The following LIMA1 variants were observed in gnomAD, a reference collection of about 807,000 sequenced individuals.
LIMA1 encodes LIM domain and actin-binding protein 1.
Under a neutral mutation model 62.6 loss-of-function variants are expected in LIMA1, and 52 were observed. The ratio of observed to expected loss-of-function variants is 0.83; its 90% CI spans 0.67 to 1.05. The LOEUF (loss-of-function observed/expected upper bound fraction) is 1.05, where lower values mean the gene tolerates loss of function less well. Ranked by LOEUF, LIMA1 falls within the 50% of genes least tolerant of loss-of-function variation. The pLI, the probability that LIMA1 is intolerant of heterozygous loss-of-function variation, is 0.00. For missense variants in LIMA1, 780 were observed against 902.2 expected (o/e 0.86, Z 1.74); for synonymous variants, 302 against 317.8 (o/e 0.95, Z 0.53).
intron 1 of LIMA1, among the ~76,000 whole-genome samples, chr12:50,281,394 T>C (rs970171533): frequency 2.0e-5 from 3 of 152,314 alleles, no homozygotes; most frequent in African/African-American, 7.2e-5. Context: ...GTATCCCCTG[T>C]CACCAAGATG....
chr12:50,182,270 G>A, intron 9 of LIMA1: 1 of 359,344 alleles, frequency 2.8e-6, no homozygotes, highest in Non-Finnish European at 5.3e-6. Context: ...CCAAGGATAG[G>A]TGGAGCTACG....
chr12:50,263,501 C>T (rs890122620), intron 1 of LIMA1, among the ~76,000 whole-genome samples: 1 of 151,972 alleles, frequency 6.6e-6, no homozygotes, highest in African/African-American at 2.4e-5. Flanking sequence ...AGAATGCAAT[C>T]GAAAATGTCA....
Position 50,214,987 on chromosome 12 carries a change from G to T in LIMA1, c.630+7034C>A, listed in dbSNP as rs184379699. Among the ~76,000 whole-genome samples, 269 of 152,276 alleles carry T rather than the reference G, an allele frequency of 1.8e-3. 2 individuals carry two copies. Among genetic ancestry groups the T allele is most frequent in the Non-Finnish European group, 1.9e-3 (126 of 68,018 alleles). ...AGATAAGATGTTATGAATAATTTCTGCAACAATCTGGGCATTCCCTATGGA... is the reference window on the plus strand; with the variant it reads ...AGATAAGATGTTATGAATAATTTCTTCAACAATCTGGGCATTCCCTATGGA... On this transcript the variant is annotated intron_variant, in intron 4 of 10. Transcript: ENST00000341247.
At chr12:50,229,064 A>G (rs1019056016) in intron 3 of LIMA1, among the ~76,000 whole-genome samples, 3 of 152,154 alleles carry the variant, frequency 2.0e-5, no homozygotes, top group Non-Finnish European at 2.9e-5. Context: ...TACATTCAAC[A>G]TACATCCTGA....
At chr12:50,279,096 C>T (rs961448206) in intron 1 of LIMA1, among the ~76,000 whole-genome samples, 2 of 151,060 alleles carry the variant, frequency 1.3e-5, no homozygotes, top group South Asian at 2.1e-4. Context: ...ACCTCTGCCT[C>T]CTGGGTTCAA....
At chr12:50,240,718 G>A (rs1215273124) in intron 2 of LIMA1, among the ~76,000 whole-genome samples, 1 of 152,166 alleles carries the variant, frequency 6.6e-6, no homozygotes, top group Non-Finnish European at 1.5e-5. Flanking sequence ...TGAGATGCAT[G>A]TGTCCGGAGC....
chr12:50,224,963 C>T (rs1256284609), intron 3 of LIMA1, among the ~76,000 whole-genome samples: 2 of 140,854 alleles, frequency 1.4e-5, no homozygotes, highest in Non-Finnish European at 3.0e-5. Flanking sequence ...AGTGCAATGG[C>T]GTGATCTCGG....
chr12:50,178,969 T>A (rs868824050), intron 10 of LIMA1, among the ~76,000 whole-genome samples: 2,371 of 149,542 alleles, frequency 0.016, 35 homozygotes, highest in African/African-American at 0.031. Flanking sequence ...TATATATATT[T>A]TTTTTTTCTT....
At chr12:50,280,144 A>ATTTTTTTTTTTTTTTTTTTTTT (rs71441354) in intron 1 of LIMA1, among the ~76,000 whole-genome samples, 4 of 68,310 alleles carry the variant, frequency 5.9e-5, no homozygotes, top group African/African-American at 2.4e-4. Context: ...GGGTAGTAGT[A>ATTTTTTTTTTTTTTTTTTTTTT]TTTTTTTTTT....
chr12:50,177,675 G>A lies in LIMA1; in HGVS notation c.1669C>T (p.Pro557Ser), dbSNP rs779388299. 1 of 1,608,608 alleles carries A rather than the reference G, an allele frequency of 6.2e-7. No homozygotes were observed. Among genetic ancestry groups the A allele is most frequent in the Non-Finnish European group, 8.5e-7 (1 of 1,177,630 alleles). ...EGIKMSKPKW[P>S]PEDEISKPEV... ...GGCTTGCTGATTTCGTCTTCAGGAG[G>A]CCATTTGGGCTTTGACATTTTGATC... Residue 557 changes from proline (P) to serine (S), a missense_variant, in exon 11 of 11, where the codon CCT (proline) becomes TCT (serine). Transcript: ENST00000341247.
At chr12:50,227,122 G>A (rs1057224432) in intron 3 of LIMA1, among the ~76,000 whole-genome samples, 5 of 151,568 alleles carry the variant, frequency 3.3e-5, no homozygotes, top group African/African-American at 7.3e-5. Context: ...CAGAGTTATA[G>A]AACTTATCTC....
chr12:50,238,338 C>T (rs1472326533), intron 2 of LIMA1, among the ~76,000 whole-genome samples: 3 of 151,960 alleles, frequency 2.0e-5, no homozygotes, highest in South Asian at 2.1e-4. Context: ...GAAACCTTGT[C>T]TCTACTAAAA....
chr12:50,255,624 A>G (rs948671737), intron 1 of LIMA1, among the ~76,000 whole-genome samples: 6 of 151,648 alleles, frequency 4.0e-5, no homozygotes, highest in African/African-American at 1.5e-4. Flanking sequence ...AAGAAAAGAA[A>G]AACATTATTT....
At chr12:50,203,664 C>T (rs1398845343) in intron 6 of LIMA1, among the ~76,000 whole-genome samples, 4 of 152,152 alleles carry the variant, frequency 2.6e-5, no homozygotes, top group African/African-American at 4.8e-5. Flanking sequence ...CTGCCCACCT[C>T]GGCCTCCCAA....
chr12:50,193,666 A>ATATATATAT (rs1555204645), intron 8 of LIMA1, among the ~76,000 whole-genome samples: 1 of 60,030 alleles, frequency 1.7e-5, no homozygotes, highest in African/African-American at 7.5e-5. Flanking sequence ...ATATATATAT[A>ATATATATAT]TTTTTTTTTT....
intron 1 of LIMA1, among the ~76,000 whole-genome samples, chr12:50,263,495 T>C (rs7302901): frequency 0.014 from 2,096 of 152,242 alleles, 43 homozygotes; most frequent in African/African-American, 0.048. Flanking sequence ...AAGAACAGAA[T>C]GCAATCGAAA....
chr12:50,245,208 A>G (rs1941831006), intron 2 of LIMA1, among the ~76,000 whole-genome samples: 1 of 152,024 alleles, frequency 6.6e-6, no homozygotes, highest in Non-Finnish European at 1.5e-5. Context: ...TGAATCCAGG[A>G]GTTCAAGACC....
chr12:50,178,748 A>G (rs1044880844), intron 10 of LIMA1, among the ~76,000 whole-genome samples: 78 of 151,788 alleles, frequency 5.1e-4, no homozygotes, highest in African/African-American at 1.9e-3. Flanking sequence ...GAATGTACCA[A>G]TCTGTACCCA....
chr12:50,177,975 CA>C lies in LIMA1; in HGVS notation c.1368del (p.Phe456LeufsTer38). ...FKSKGNYDEG[F>X]GHRPHKDLWA... ...CATAGATCCTTGTGTGGTCTGTGCC[CA>C]AAGCCTTCATCATAGTTGCCCTTAG... On this transcript the variant is annotated frameshift_variant, in exon 11 of 11. Transcript: ENST00000341247. LOFTEE classifies it high-confidence loss of function. The C allele has an allele frequency of 1.2e-6, 2 of 1,608,358 alleles. No homozygotes were observed. Among genetic ancestry groups the C allele is most frequent in the Non-Finnish European group, 1.7e-6 (2 of 1,178,452 alleles).
Sources: allele counts gnomAD v4.1 joint callset (sites outside exome capture counted in the v4.1 genomes callset), GRCh38; gene constraint gnomAD v4.1.1; transcripts MANE v1.5; gene names NCBI Gene and HGNC (gene_info 2026-07-23, HGNC 2026-07-21).